FANCC: variants seen among roughly 807,000 people sequenced by gnomAD.
FANCC encodes the protein FA complementation group C, also known as Fanconi anemia group C protein.
In FANCC, 55 loss-of-function variants were observed where a neutral mutation model predicts 71.3. The ratio of observed to expected loss-of-function variants is 0.77; its 90% CI spans 0.62 to 0.97. FANCC has a LOEUF of 0.97. FANCC is among the 50% of genes least tolerant of loss of function. The pLI, the probability that FANCC is intolerant of heterozygous loss-of-function variation, is 0.00. For missense variants in FANCC, 678 were observed against 670.9 expected, an observed-to-expected ratio of 1.01 and a Z score of -0.12; for synonymous variants, 275 against 244.9, an observed-to-expected ratio of 1.12 and a Z score of -1.15.
intron 1 of FANCC, among the ~76,000 whole-genome samples, chr9:95,311,378 C>A (rs1190430112): frequency 6.6e-6 from 1 of 151,584 alleles, no homozygotes; most frequent in Non-Finnish European, 1.5e-5. Flanking sequence ...CAGTAACAAC[C>A]AACAAAAACA....
chr9:95,131,127 A>T (rs1826846409), intron 8 of FANCC, among the ~76,000 whole-genome samples: 1 of 152,234 alleles, frequency 6.6e-6, no homozygotes, highest in African/African-American at 2.4e-5. Flanking sequence ...TAATGCAATT[A>T]TTGTTTAATT....
intron 1 of FANCC, among the ~76,000 whole-genome samples, chr9:95,271,092 T>C (rs73539206): frequency 0.011 from 1,725 of 152,204 alleles, 32 homozygotes; most frequent in African/African-American, 0.039. Flanking sequence ...TTGACAATGT[T>C]TGAAGACATT....
At chr9:95,173,307 C>G (rs914992433) in intron 4 of FANCC, among the ~76,000 whole-genome samples, 1 of 152,068 alleles carries the variant, frequency 6.6e-6, no homozygotes, top group Admixed American at 6.6e-5. Flanking sequence ...CAACACAGCC[C>G]GGAACCCATC....
chr9:95,157,186 C>T (rs1830501186), intron 6 of FANCC, among the ~76,000 whole-genome samples: 1 of 151,988 alleles, frequency 6.6e-6, no homozygotes, highest in Non-Finnish European at 1.5e-5. Flanking sequence ...TTTAGCACTT[C>T]AGTGTCTAAA....
chr9:95,299,815 C>T (rs1014449999), intron 1 of FANCC, among the ~76,000 whole-genome samples: 1 of 152,154 alleles, frequency 6.6e-6, no homozygotes, highest in South Asian at 2.1e-4. Flanking sequence ...GAGCCATGTC[C>T]GCATCACTGC....
intron 2 of FANCC, 61 bp from the exon 3 acceptor site, chr9:95,247,577 T>A: frequency 4.7e-6 from 5 of 1,062,858 alleles, no homozygotes; most frequent in Non-Finnish European, 7.3e-6. Flanking sequence ...AATACTGAAC[T>A]GACATTATAG....
At chr9:95,172,011 A>T (rs776321642) in intron 5 of FANCC, 26 bp downstream of exon 5, 21 of 1,389,052 alleles carry the variant, frequency 1.5e-5, no homozygotes, top group Admixed American at 1.2e-4. Context: ...TAAACATTTC[A>T]AAAGTGATAA....
chr9:95,161,837 CTTTTCTT>C (rs1830764048), intron 6 of FANCC, among the ~76,000 whole-genome samples: 2 of 123,890 alleles, frequency 1.6e-5, no homozygotes, highest in Non-Finnish European at 1.6e-5. Flanking sequence ...TGCTTCTTTT[CTTTTCTT>C]TTTTTTTTTT....
intron 4 of FANCC, among the ~76,000 whole-genome samples, chr9:95,173,821 G>A (rs1825843701): frequency 6.6e-6 from 1 of 152,180 alleles, no homozygotes; most frequent in Non-Finnish European, 1.5e-5. Context: ...AGGAGGCTGA[G>A]GCAGGAGGAT....
At chr9:95,184,974 C>T (rs1188209422) in intron 4 of FANCC, among the ~76,000 whole-genome samples, 2 of 152,170 alleles carry the variant, frequency 1.3e-5, no homozygotes, top group East Asian at 1.9e-4. Context: ...ACTGAGATGT[C>T]TCAGGAACAA....
chr9:95,308,432 T>A (rs1044848053), intron 1 of FANCC, among the ~76,000 whole-genome samples: 7 of 139,746 alleles, frequency 5.0e-5, no homozygotes, highest in Non-Finnish European at 1.1e-4. Context: ...TACAGGCACA[T>A]GTCACCACAC....
At chr9:95,155,811 C>G (rs894683598) in intron 6 of FANCC, among the ~76,000 whole-genome samples, 2 of 152,066 alleles carry the variant, frequency 1.3e-5, no homozygotes, top group African/African-American at 4.8e-5. Flanking sequence ...TCAACCTCCC[C>G]AGGCTCAAGC....
In FANCC at chr9:95,107,377, G is replaced by A. The variant is rs1376561324; in HGVS notation, c.1330-108C>T. On this transcript the variant is annotated intron_variant, in intron 13 of 14. Transcript: ENST00000289081. ...CAACCCCCAGAAACGGGTAAGCACTGGCCCCTGAGAGAGGGAGCTAGGCAG... is the reference window on the plus strand; with the variant it reads ...CAACCCCCAGAAACGGGTAAGCACTAGCCCCTGAGAGAGGGAGCTAGGCAG... 5.7e-6 allele frequency: 7 copies of A among 1,223,874 alleles called. No individual in the cohort carries two copies. The East Asian group carries it at 1.5e-4, about 27-fold the overall frequency. The allele number at this position is 1,223,874 out of a possible 1,614,324, so 75.8% of individuals were successfully genotyped here. A position where few individuals can be genotyped will look rare whatever the true frequency, so the allele number is the denominator to read the frequency against.
At chr9:95,179,805 T>C (rs1011621829) in intron 4 of FANCC, among the ~76,000 whole-genome samples, 2 of 152,222 alleles carry the variant, frequency 1.3e-5, no homozygotes, top group Non-Finnish European at 2.9e-5. Context: ...GAAGCAGAAA[T>C]AGCACATGAT....
chr9:95,139,955 C>T (rs895908802), intron 7 of FANCC, among the ~76,000 whole-genome samples: 5 of 150,968 alleles, frequency 3.3e-5, no homozygotes, highest in African/African-American at 1.2e-4. Context: ...CTGTTCAATA[C>T]GTTAGTGACA....
intron 4 of FANCC, among the ~76,000 whole-genome samples, chr9:95,205,051 T>A (rs1396361872): frequency 6.6e-6 from 1 of 152,250 alleles, no homozygotes; most frequent in African/African-American, 2.4e-5. Context: ...TAAAGCATTT[T>A]TAAAATGCTT....
At chr9:95,194,558 T>C (rs1042555949) in intron 4 of FANCC, among the ~76,000 whole-genome samples, 2 of 152,246 alleles carry the variant, frequency 1.3e-5, no homozygotes, top group Non-Finnish European at 2.9e-5. Flanking sequence ...TGCGTAGTGA[T>C]AGCCCACTGT....
chr9:95,166,571 A>T (rs1036433605), intron 6 of FANCC, among the ~76,000 whole-genome samples: 1 of 152,120 alleles, frequency 6.6e-6, no homozygotes. Flanking sequence ...TTTAATAGTT[A>T]TTTTTACACT....
intron 10 of FANCC, among the ~76,000 whole-genome samples, chr9:95,118,710 T>G (rs990714138): frequency 2.6e-4 from 39 of 152,252 alleles, no homozygotes; most frequent in African/African-American, 8.7e-4. Context: ...ACATATTTTC[T>G]TAAAGATTAA....
Sources: allele counts gnomAD v4.1 joint callset (sites outside exome capture counted in the v4.1 genomes callset), GRCh38; gene constraint gnomAD v4.1.1; transcripts MANE v1.5; gene names NCBI Gene and HGNC (gene_info 2026-07-23, HGNC 2026-07-21).